UGT8: variants seen among roughly 807,000 people sequenced by gnomAD.
The protein encoded by UGT8 is UDP glycosyltransferase 8.
In UGT8, 12 loss-of-function variants were observed where a neutral mutation model predicts 40.5. That is an observed-to-expected ratio of 0.30 (90% CI 0.19 to 0.48). The LOEUF (loss-of-function observed/expected upper bound fraction) is 0.48. Ranked by LOEUF, UGT8 falls within the 20% of genes least tolerant of loss-of-function variation. UGT8 has a pLI of 0.99. For synonymous variants in UGT8, 224 were observed against 240.4 expected (o/e 0.93, Z 0.63); for missense variants, 513 against 648.7 (o/e 0.79, Z 2.27).
At chr4:114,607,401 C>A (rs909149294) in intron 1 of UGT8, among the ~76,000 whole-genome samples, 3 of 152,092 alleles carry the variant, frequency 2.0e-5, no homozygotes, top group Admixed American at 6.6e-5. Flanking sequence ...TGCTTCTTCC[C>A]TGCTCCTTGA....
chr4:114,635,915 G>T (rs1238148136), intron 2 of UGT8, among the ~76,000 whole-genome samples: 1 of 152,120 alleles, frequency 6.6e-6, no homozygotes, highest in African/African-American at 2.4e-5. Flanking sequence ...AATGAAAAGA[G>T]AAATTATTTA....
At chr4:114,601,375 T>C (rs150474082) in intron 1 of UGT8, among the ~76,000 whole-genome samples, 9 of 152,324 alleles carry the variant, frequency 5.9e-5, no homozygotes, top group African/African-American at 2.2e-4. Flanking sequence ...CATGCACCTG[T>C]TTATCAAATA....
At chr4:114,642,009 A>G (rs939677283) in intron 2 of UGT8, among the ~76,000 whole-genome samples, 1 of 152,186 alleles carries the variant, frequency 6.6e-6, no homozygotes, top group African/African-American at 2.4e-5. Flanking sequence ...GGATATAAAT[A>G]AATATCAATA....
intron 2 of UGT8, among the ~76,000 whole-genome samples, chr4:114,660,956 G>A (rs773216053): frequency 1.5e-4 from 23 of 151,290 alleles, no homozygotes; most frequent in South Asian, 4.2e-4. Context: ...TTCTACTAGC[G>A]GAGGGATAGA....
At chr4:114,642,691 T>TAGGAA (rs1733302771) in intron 2 of UGT8, among the ~76,000 whole-genome samples, 1 of 152,130 alleles carries the variant, frequency 6.6e-6, no homozygotes, top group Non-Finnish European at 1.5e-5. Flanking sequence ...TTGTAAGCAA[T>TAGGAA]AGGATTTGTT....
At chr4:114,655,182 C>T (rs1435654751) in intron 2 of UGT8, among the ~76,000 whole-genome samples, 1 of 150,638 alleles carries the variant, frequency 6.6e-6, no homozygotes, top group African/African-American at 2.4e-5. Flanking sequence ...CCACAATAAA[C>T]TTTTATTTAT....
In UGT8 at chr4:114,610,221, A is replaced by G. The variant is rs1367622648; in HGVS notation, c.-3+11247A>G. Among the ~76,000 whole-genome samples, 5 of 152,150 alleles carry G rather than the reference A, an allele frequency of 3.3e-5. No homozygotes were observed. The East Asian group carries it at 9.6e-4, about 29-fold the overall frequency. On this transcript the variant is annotated intron_variant, in intron 1 of 5. Coordinates refer to ENST00000310836, the MANE Select transcript of UGT8 (RefSeq NM_001128174.3). ...TCCGACTCTGCCAGCGAATAACTGAACTAGCTGTGTAATGCAAAGACAACC... is the reference window on the plus strand; with the variant it reads ...TCCGACTCTGCCAGCGAATAACTGAGCTAGCTGTGTAATGCAAAGACAACC...
chr4:114,625,213 A>T (rs1179065260), intron 2 of UGT8, among the ~76,000 whole-genome samples: 2 of 152,050 alleles, frequency 1.3e-5, no homozygotes, highest in Non-Finnish European at 2.9e-5. Flanking sequence ...ATTGAAGAAG[A>T]AGTATATGAT....
chr4:114,634,082 A>T (rs539365037), intron 2 of UGT8, among the ~76,000 whole-genome samples: 1 of 152,314 alleles, frequency 6.6e-6, no homozygotes, highest in South Asian at 2.1e-4. Flanking sequence ...GAGAAGTGGG[A>T]TAATTCCAAG....
chr4:114,675,834 T>A (rs1334485808), intron 5 of UGT8, 91 bp from the exon 6 acceptor site: 3 of 1,464,374 alleles, frequency 2.0e-6, no homozygotes, highest in Non-Finnish European at 2.7e-6. Context: ...AATAGTTGTT[T>A]TAATTATTTC....
chr4:114,631,484 C>T (rs544173283), intron 2 of UGT8, among the ~76,000 whole-genome samples: 1 of 152,354 alleles, frequency 6.6e-6, no homozygotes, highest in African/African-American at 2.4e-5. Context: ...GAGACTCCAT[C>T]TCAACAAAAA....
intron 1 of UGT8, among the ~76,000 whole-genome samples, chr4:114,602,913 GA>G (rs1237849375): frequency 6.6e-6 from 1 of 152,226 alleles, no homozygotes; most frequent in Admixed American, 6.5e-5. Context: ...TATGTGATGA[GA>G]AAACAGCTCT....
intron 1 of UGT8, among the ~76,000 whole-genome samples, chr4:114,604,511 C>G (rs1578397090): frequency 6.9e-6 from 1 of 145,270 alleles, no homozygotes; most frequent in Admixed American, 6.9e-5. Context: ...TTAAATATAC[C>G]TACTTTTTTC....
At chr4:114,662,029 T>C (rs1734573211) in intron 2 of UGT8, among the ~76,000 whole-genome samples, 1 of 152,204 alleles carries the variant, frequency 6.6e-6, no homozygotes, top group Non-Finnish European at 1.5e-5. Context: ...ATTTTCAGCA[T>C]CTTACATATA....
In UGT8 at chr4:114,622,946, AATC is replaced by A. The variant is rs775862222; in HGVS notation, c.73_75del (p.Ile25del). On this transcript the variant is annotated inframe_deletion, in exon 2 of 6. Coordinates refer to ENST00000310836, the MANE Select transcript of UGT8 (RefSeq NM_001128174.3). ...CTGTTGGGATAGCGAAGGCTGCCAA[AATC>A]ATCATCGTGCCGCCAATTATGTTTG... 6.2e-7 allele frequency: 1 copy of A among 1,614,110 alleles called. No individual in the cohort carries two copies. The highest frequency in any genetic ancestry group is 1.1e-5 in the South Asian group (1 of 91,078).
intron 1 of UGT8, among the ~76,000 whole-genome samples, chr4:114,617,792 A>T (rs997314259): frequency 1.3e-5 from 2 of 152,228 alleles, no homozygotes; most frequent in African/African-American, 4.8e-5. Flanking sequence ...GACAGTAAAC[A>T]TCTGGGGAGT....
At chr4:114,656,785 T>C (rs1317896662) in intron 2 of UGT8, 1 of 524,154 alleles carries the variant, frequency 1.9e-6, no homozygotes, top group African/African-American at 1.9e-5. Context: ...AGATAAAATA[T>C]TGGTACCTGA....
chr4:114,664,286 A>T, intron 3 of UGT8, 149 bp downstream of exon 3: 1 of 861,148 alleles, frequency 1.2e-6, no homozygotes. Context: ...AGCTTGTTGA[A>T]ATCTAGGAAT....
chr4:114,670,690 A>G (rs184531388), intron 5 of UGT8, among the ~76,000 whole-genome samples: 125 of 152,302 alleles, frequency 8.2e-4, no homozygotes, highest in Non-Finnish European at 1.5e-3. Context: ...TATTTATGAC[A>G]AACCTACAGC....
Sources: gnomAD v4.1 joint callset for allele counts (sites outside exome capture counted in the v4.1 genomes callset) on GRCh38, gnomAD v4.1.1 for gene constraint, MANE v1.5 for transcripts, NCBI Gene and HGNC (gene_info 2026-07-23, HGNC 2026-07-21) for gene names.